The following MAP4K3 variants were observed in gnomAD, a reference collection of about 807,000 sequenced individuals.
The protein encoded by MAP4K3 is MAPK/ERK kinase kinase kinase 3.
MAP4K3 carries 94 observed loss-of-function variants against 143.5 expected under a neutral mutation model. That is an observed-to-expected ratio of 0.65 (90% confidence interval 0.55 to 0.78). The LOEUF (loss-of-function observed/expected upper bound fraction) is 0.78. MAP4K3 is among the 30% of genes least tolerant of loss of function. The probability of loss-of-function intolerance (pLI) is 0.00; values close to 1 mark genes in which losing one functional copy is unlikely to be tolerated. For synonymous variants in MAP4K3, 416 were observed against 347.2 expected (o/e 1.20, Z -2.20); for missense variants, 1,077 against 1,068.1 (o/e 1.01, Z -0.12).
chr2:39,338,122 G>A (rs1665029013), intron 4 of MAP4K3, among the ~76,000 whole-genome samples: 1 of 152,118 alleles, frequency 6.6e-6, no homozygotes, highest in African/African-American at 2.4e-5. Context: ...GTGCAGAACA[G>A]TGCCTGGCAC....
chr2:39,293,636 G>A (rs538755053), intron 16 of MAP4K3, among the ~76,000 whole-genome samples: 15 of 152,066 alleles, frequency 9.9e-5, no homozygotes, highest in Non-Finnish European at 1.8e-4. Flanking sequence ...ATTTTACCTG[G>A]AATTTTATAC....
intron 6 of MAP4K3, among the ~76,000 whole-genome samples, chr2:39,335,931 T>C (rs1428419274): frequency 6.6e-6 from 1 of 151,522 alleles, no homozygotes; most frequent in Non-Finnish European, 1.5e-5. Flanking sequence ...GCCTCTATCC[T>C]CAAAAAAGGT....
chr2:39,256,284 TTCCC>T (rs1284849422), intron 31 of MAP4K3, among the ~76,000 whole-genome samples: 15 of 152,202 alleles, frequency 9.9e-5, no homozygotes, highest in African/African-American at 3.6e-4. Flanking sequence ...TCCTCATACT[TTCCC>T]TTTCTCATTT....
In MAP4K3 at chr2:39,376,629, G is replaced by C. The variant is rs137870365; in HGVS notation, c.154+1437C>G. 1.5e-3 allele frequency among the ~76,000 whole-genome samples: 223 copies of C among 152,254 alleles called. 1 individual carries two copies. The highest frequency in any genetic ancestry group is 5.0e-3 in the African/African-American group (209 of 41,532). On this transcript the variant is annotated intron_variant, in intron 2 of 33. Coordinates refer to ENST00000263881, the MANE Select transcript of MAP4K3 (RefSeq NM_003618.4). ...GATTAAAACTTAGAAACAAAGAAAG[G>C]CAAGTCTAGAATGACAATATAGCTA...
rs115934886 is a variant in MAP4K3, at chr2:39,306,278, C to T, written c.1119+1665G>A. Among the ~76,000 whole-genome samples the T allele has an allele frequency of 3.8e-3, 584 of 152,318 alleles. 4 individuals are homozygous for T. Among genetic ancestry groups the T allele is most frequent in the African/African-American group, 0.013 (556 of 41,564 alleles). On this transcript the variant is annotated intron_variant, in intron 15 of 33. Transcript: ENST00000263881. ...TTTCACTAATTGTCATTCTAGCCTA[C>T]GTGTGTAATTCTGAAAACATTTTCA...
chr2:39,413,339 T>C (rs1273839563), intron 1 of MAP4K3, among the ~76,000 whole-genome samples: 2 of 152,016 alleles, frequency 1.3e-5, no homozygotes, highest in South Asian at 2.1e-4. Flanking sequence ...ACGAGGGAGC[T>C]AGGAACAGAA....
intron 18 of MAP4K3, among the ~76,000 whole-genome samples, chr2:39,291,538 T>A (rs1007759895): frequency 1.3e-5 from 2 of 152,188 alleles, no homozygotes; most frequent in African/African-American, 4.8e-5. Flanking sequence ...TTTATGAAAT[T>A]ATATGCAGAA....
chr2:39,258,347 C>T lies in MAP4K3; in HGVS notation c.2470+1G>A. On this transcript the variant is annotated splice_donor_variant, in intron 31 of 33. Coordinates refer to ENST00000263881, the MANE Select transcript of MAP4K3 (RefSeq NM_003618.4). LOFTEE classifies it high-confidence loss of function. ...CAAAGAATTATAAAACTTTGACTTA[C>T]CTATTGATTCAATCTGGAAATCAAA... is the stretch of plus-strand genomic sequence containing the variant. 6.3e-7 allele frequency: 1 copy of T among 1,578,644 alleles called. No individual in the cohort carries two copies. The highest frequency in any genetic ancestry group is 1.4e-5 in the African/African-American group (1 of 73,770).
intron 24 of MAP4K3, among the ~76,000 whole-genome samples, chr2:39,276,923 G>C (rs1276353519): frequency 6.6e-6 from 1 of 152,200 alleles, no homozygotes; most frequent in East Asian, 1.9e-4. Flanking sequence ...AAAACTGATG[G>C]TGTAATGGCT....
At chr2:39,258,688 G>T in intron 29 of MAP4K3, 101 bp from the exon 30 acceptor site, 1 of 859,370 alleles carries the variant, frequency 1.2e-6, no homozygotes, top group Non-Finnish European at 2.0e-6. Context: ...TACTTGAAAC[G>T]GATATGTCTT....
chr2:39,280,370 G>C lies in MAP4K3; in HGVS notation c.1630-14C>G, dbSNP rs771480753. ...ACATGCACCCATCTAGGGAAACAAA[G>C]AATAACCAATATGAAACAGTGACAA... On this transcript the variant is annotated splice_polypyrimidine_tract_variant and intron_variant, in intron 22 of 33. Coordinates refer to ENST00000263881, the MANE Select transcript of MAP4K3 (RefSeq NM_003618.4). 4.6e-6 allele frequency: 7 copies of C among 1,523,334 alleles called. No individual in the cohort carries two copies. Among genetic ancestry groups the C allele is most frequent in the East Asian group, 4.5e-5 (2 of 44,146 alleles). 94.4% of individuals were successfully genotyped at this position (1,523,334 alleles called of 1,614,324 possible). A position where few individuals can be genotyped will look rare whatever the true frequency, so the allele number is the denominator to read the frequency against.
intron 1 of MAP4K3, among the ~76,000 whole-genome samples, chr2:39,407,303 G>C (rs567858888): frequency 6.6e-6 from 1 of 150,874 alleles, no homozygotes; most frequent in Non-Finnish European, 1.5e-5. Context: ...CTAAGAGCAG[G>C]AACAAGGGAA....
chr2:39,434,765 A>G (rs1665401172), intron 1 of MAP4K3, among the ~76,000 whole-genome samples: 1 of 152,268 alleles, frequency 6.6e-6, no homozygotes, highest in Non-Finnish European at 1.5e-5. Context: ...TGCAAAATGG[A>G]GTTAACAATA....
rs546876449 is a variant in MAP4K3, at chr2:39,323,153, G to T, written c.918+2365C>A. ...ATTCTAAGCTACTGTGAGAGGGAAT[G>T]TAACAGCTTCCCCTCATCCTACCCC... On this transcript the variant is annotated intron_variant, in intron 12 of 33. Transcript: ENST00000263881. 3.3e-4 allele frequency among the ~76,000 whole-genome samples: 50 copies of T among 152,300 alleles called. No homozygotes were observed. The South Asian group carries it at 4.4e-3, about 13-fold the overall frequency.
intron 1 of MAP4K3, among the ~76,000 whole-genome samples, chr2:39,418,202 CAA>C (rs60060164): frequency 7.0e-4 from 79 of 113,048 alleles, no homozygotes; most frequent in South Asian, 6.1e-3. Context: ...GACTCCGTCT[CAA>C]AAAAAAAAAA....
chr2:39,399,456 T>G (rs1181603442), intron 1 of MAP4K3, among the ~76,000 whole-genome samples: 1 of 152,162 alleles, frequency 6.6e-6, no homozygotes, highest in African/African-American at 2.4e-5. Flanking sequence ...TCACATCTCT[T>G]TAACAAAATA....
At chr2:39,295,512 T>C (rs1275093584) in intron 16 of MAP4K3, among the ~76,000 whole-genome samples, 1 of 152,084 alleles carries the variant, frequency 6.6e-6, no homozygotes, top group Non-Finnish European at 1.5e-5. Context: ...TTAAACTATT[T>C]TACCAAATTA....
intron 2 of MAP4K3, among the ~76,000 whole-genome samples, chr2:39,375,904 T>G (rs114164086): frequency 1.2e-3 from 180 of 152,352 alleles, no homozygotes; most frequent in Middle Eastern, 6.8e-3. Flanking sequence ...TACAGCATGC[T>G]ATCAGCAACT....
At position 39,325,976 on chromosome 2, in the gene MAP4K3, A is replaced by C; in HGVS notation, c.663-15T>G. On this transcript the variant is annotated splice_polypyrimidine_tract_variant and intron_variant, in intron 9 of 33. Coordinates refer to ENST00000263881, the MANE Select transcript of MAP4K3 (RefSeq NM_003618.4). ...GAAATAATGCTCTGAAAAATCAACA[A>C]ATCATTACACAGCATTTTAATATTT... 2 of 1,577,792 alleles carry C rather than the reference A, an allele frequency of 1.3e-6. No homozygotes were observed. Among genetic ancestry groups the C allele is most frequent in the Non-Finnish European group, 1.7e-6 (2 of 1,153,230 alleles).
Sources: gnomAD v4.1 joint callset for allele counts (sites outside exome capture counted in the v4.1 genomes callset) on GRCh38, gnomAD v4.1.1 for gene constraint, MANE v1.5 for transcripts, NCBI Gene and HGNC (gene_info 2026-07-23, HGNC 2026-07-21) for gene names.